HTN3: variants seen among roughly 807,000 people sequenced by gnomAD.
HTN3 encodes the protein histatin-3.
A neutral mutation model predicts 10.6 loss-of-function variants in HTN3; 15 were observed. The ratio of observed to expected loss-of-function variants is 1.42; its 90% CI spans 0.95 to 2.18. The LOEUF (loss-of-function observed/expected upper bound fraction) is 2.18, where lower values mean the gene tolerates loss of function less well. HTN3 is among the 30% of genes most tolerant of loss of function. The probability of loss-of-function intolerance (pLI) is 0.00; values close to 1 mark genes in which losing one functional copy is unlikely to be tolerated. For missense variants in HTN3, 68 were observed against 58.0 expected (o/e 1.17, Z -0.56); for synonymous variants, 15 against 16.9 (o/e 0.89, Z 0.27).
chr4:70,032,043 T>G, intron 3 of HTN3, 35 bp from the exon 4 acceptor site: 1 of 1,539,314 alleles, frequency 6.5e-7, no homozygotes, highest in Non-Finnish European at 8.9e-7. Flanking sequence ...ATTAATCATA[T>G]ATTGAATTTT....
intron 5 of HTN3, among the ~76,000 whole-genome samples, chr4:70,034,865 G>T (rs936311018): frequency 2.6e-5 from 4 of 152,192 alleles, no homozygotes; most frequent in Non-Finnish European, 5.9e-5. Flanking sequence ...ACACTATGCG[G>T]TCATTAAAAG....
chr4:70,031,894 A>G lies in HTN3; in HGVS notation c.52-85A>G, dbSNP rs539698532. The G allele has an allele frequency of 4.2e-6, 4 of 945,204 alleles. No homozygotes were observed. In the African/African-American group the frequency reaches 5.0e-5, roughly 12 times the overall value. The allele number at this position is 945,204 out of a possible 1,614,324, so 58.6% of individuals were successfully genotyped here. ...GAATGCCTCCATTCTATTTAATCAT[A>G]AATGTGGCTAAGTCAATTTTTACAC... On this transcript the variant is annotated intron_variant, in intron 2 of 5. Coordinates refer to ENST00000673563, the MANE Select transcript of HTN3 (RefSeq NM_000200.3).
At chr4:70,035,836 A>G (rs1733224388) in intron 5 of HTN3, among the ~76,000 whole-genome samples, 1 of 152,176 alleles carries the variant, frequency 6.6e-6, no homozygotes, top group Admixed American at 6.5e-5. Flanking sequence ...ATGTATTGGG[A>G]CATTTTATTC....
chr4:70,033,209 T>C lies in HTN3; in HGVS notation c.145T>C (p.Tyr49His). 1 of 1,596,158 alleles carries C rather than the reference T, an allele frequency of 6.3e-7. No homozygotes were observed. The highest frequency in any genetic ancestry group is 8.6e-7 in the Non-Finnish European group (1 of 1,167,220). ...TCGAGGCTATAGATCAAATTATCTGTATGACAATTGATATCTTCAGTAATC... is the reference window on the plus strand; with the variant it reads ...TCGAGGCTATAGATCAAATTATCTGCATGACAATTGATATCTTCAGTAATC... ...SHRGYRSNYLYDN is the reference protein window; with the variant it reads ...SHRGYRSNYLHDN Residue 49 changes from tyrosine to histidine, a missense_variant, in exon 5 of 6, where the codon TAT becomes CAT. Physicochemically the swap from Tyr to His is moderately conservative, Grantham distance 83 (BLOSUM62 2). Transcript: ENST00000673563.
chr4:70,034,477 G>A (rs1417237628), intron 5 of HTN3: 5 of 152,192 alleles, frequency 3.3e-5, no homozygotes, highest in South Asian at 2.1e-4. Context: ...AATCATTAGA[G>A]AAATGCAAAT....
chr4:70,035,272 G>C (rs185249833), intron 5 of HTN3, among the ~76,000 whole-genome samples: 37 of 152,292 alleles, frequency 2.4e-4, no homozygotes, highest in Non-Finnish European at 4.6e-4. Context: ...TCCTGACCCT[G>C]ACAACTAGTT....
At chr4:70,030,412 G>A (rs1347470621) in intron 1 of HTN3, among the ~76,000 whole-genome samples, 1 of 152,112 alleles carries the variant, frequency 6.6e-6, no homozygotes, top group Non-Finnish European at 1.5e-5. Context: ...GATTCCTAGA[G>A]CCCAGGAGTT....
intron 5 of HTN3, among the ~76,000 whole-genome samples, chr4:70,034,930 C>T (rs1158974035): frequency 6.6e-6 from 1 of 152,144 alleles, no homozygotes; most frequent in East Asian, 1.9e-4. Context: ...CCATCATCCT[C>T]AGAAAACTAA....
intron 2 of HTN3, chr4:70,031,391 T>G (rs1347418069): frequency 6.5e-6 from 1 of 153,546 alleles, no homozygotes; most frequent in East Asian, 1.9e-4. Flanking sequence ...TTTCTCATCC[T>G]CTTCCCACTC....
chr4:70,033,953 G>A (rs1296770101), intron 5 of HTN3: 1 of 152,014 alleles, frequency 6.6e-6, no homozygotes, highest in East Asian at 1.9e-4. Context: ...CAAGCAATGG[G>A]AAAAGGATCT....
chr4:70,035,402 G>A (rs1725489262), intron 5 of HTN3, among the ~76,000 whole-genome samples: 1 of 152,120 alleles, frequency 6.6e-6, no homozygotes, highest in Non-Finnish European at 1.5e-5. Flanking sequence ...GACATTATAG[G>A]GAAGCCCTTG....
At chr4:70,032,705 G>A (rs968840686) in intron 4 of HTN3, among the ~76,000 whole-genome samples, 2 of 151,992 alleles carry the variant, frequency 1.3e-5, no homozygotes, top group Non-Finnish European at 2.9e-5. Flanking sequence ...AAAGGAATGA[G>A]GACTGTTTGT....
At chr4:70,032,757 G>T (rs933562271) in intron 4 of HTN3, among the ~76,000 whole-genome samples, 2 of 152,004 alleles carry the variant, frequency 1.3e-5, no homozygotes, top group African/African-American at 4.8e-5. Flanking sequence ...AGTTGTAAGA[G>T]AAAGTAAGCT....
At chr4:70,035,631 C>T (rs574518252) in intron 5 of HTN3, among the ~76,000 whole-genome samples, 1 of 152,202 alleles carries the variant, frequency 6.6e-6, no homozygotes, top group South Asian at 2.1e-4. Context: ...TGGGAATTTT[C>T]AAGGAAATAT....
At chr4:70,031,945 TATTA>T (rs1560426709) in intron 2 of HTN3, 30 bp from the exon 3 acceptor site, 7 of 1,401,430 alleles carry the variant, frequency 5.0e-6, no homozygotes, top group Non-Finnish European at 7.0e-6. Context: ...GAAATTAAGA[TATTA>T]ATTATTTTCT....
rs370676994 is a variant in HTN3, at chr4:70,033,225, T to C, written c.*5T>C. On this transcript the variant is annotated 3_prime_UTR_variant, in exon 5 of 6. Transcript: ENST00000673563. ...AATTATCTGTATGACAATTGATATC[T>C]TCAGTAATCACGGGGCATGATTATG... 1.3e-6 allele frequency: 2 copies of C among 1,573,506 alleles called. No homozygotes were observed. The highest frequency in any genetic ancestry group is 1.7e-6 in the Non-Finnish European group (2 of 1,147,862).
At chr4:70,032,160 T>G in intron 4 of HTN3, 53 bp downstream of exon 4, 1 of 1,112,146 alleles carries the variant, frequency 9.0e-7, no homozygotes. Flanking sequence ...TCTCTGACTA[T>G]TTATTCTCCT....
In HTN3 at chr4:70,032,078, A is replaced by C; in HGVS notation, c.73A>C (p.Arg25=). The C allele has an allele frequency of 6.5e-7, 1 of 1,535,690 alleles. No homozygotes were observed. The change falls in exon 4 of 6, where the codon AGA becomes CGA. Residue 25 remains arginine, a splice_region_variant and synonymous_variant. Transcript: ENST00000673563. Reference sequence around the variant, plus strand: ...TTAATCTTTTCTTTTTATTTCATAGAGACATCATGGGTATAAAAGAAAATT... The same window carrying C: ...TTAATCTTTTCTTTTTATTTCATAGCGACATCATGGGTATAAAAGAAAATT... The part of the protein sequence containing the change: ...SMTGADSHAK[R]HHGYKRKFHE...
At chr4:70,029,266 A>C (rs1725317526) in intron 1 of HTN3, among the ~76,000 whole-genome samples, 1 of 151,970 alleles carries the variant, frequency 6.6e-6, no homozygotes, top group African/African-American at 2.4e-5. Context: ...ACAACGGTAA[A>C]ATTGTCTTTT....
Sources: gnomAD v4.1 joint callset for allele counts (sites outside exome capture counted in the v4.1 genomes callset) on GRCh38, gnomAD v4.1.1 for gene constraint, MANE v1.5 for transcripts, NCBI Gene and HGNC (gene_info 2026-07-23, HGNC 2026-07-21) for gene names.